CDC20B: variants seen among roughly 807,000 people sequenced by gnomAD.
CDC20B encodes cell division cycle 20B, also known as cell division cycle protein 20 homolog B.
A neutral mutation model predicts 64.1 loss-of-function variants in CDC20B; 58 were observed. The observed-to-expected ratio is 0.90, with a 90% confidence interval of 0.73 to 1.13. CDC20B has a LOEUF of 1.13. Among genes scored for constraint, CDC20B ranks in the 50% most tolerant of loss-of-function variants. The pLI is 0.00. For missense variants in CDC20B, 597 were observed against 633.0 expected, an observed-to-expected ratio of 0.94 and a Z score of 0.61; for synonymous variants, 243 against 230.6, an observed-to-expected ratio of 1.05 and a Z score of -0.49.
At chr5:55,120,909 C>T (rs145321611) in intron 9 of CDC20B, among the ~76,000 whole-genome samples, 398 of 152,262 alleles carry the variant, frequency 2.6e-3, no homozygotes, top group Middle Eastern at 6.8e-3. Flanking sequence ...TGCAAATTGG[C>T]TCTGAAAATG....
intron 5 of CDC20B, 108 bp downstream of exon 5, chr5:55,140,206 G>T: frequency 1.7e-6 from 1 of 573,992 alleles, no homozygotes; most frequent in Non-Finnish European, 2.9e-6. Flanking sequence ...CAATTAGGTT[G>T]ATTTAGTCTA....
Position 55,114,253 on chromosome 5 carries a change from C to G in CDC20B, c.1525G>C (p.Ala509Pro), listed in dbSNP as rs200898156. The change falls in exon 12 of 12, where the codon GCT becomes CCT. Residue 509 changes from alanine to proline, a missense_variant. Ala to Pro is a conservative substitution (Grantham distance 27, BLOSUM62 -1). This residue lies in a region of CDC20B where 353 missense variants were observed against 397.0 expected (regional missense o/e 0.89). Coordinates refer to ENST00000381375, the MANE Select transcript of CDC20B (RefSeq NM_001170402.1). This position sits in a 1 kb window ranked among gnomAD's most constrained non-coding sequence, Gnocchi z 4.1. ...PDQTRVFSAA[A>P]DGTASVWNCY Reference sequence around the variant, plus strand: ...TTCCATACAGAGGCCGTCCCATCAGCTGCAGCAGAAAACACCCGGGTCTGG... The same window carrying G: ...TTCCATACAGAGGCCGTCCCATCAGGTGCAGCAGAAAACACCCGGGTCTGG... 4 of 1,613,810 alleles carry G rather than the reference C, an allele frequency of 2.5e-6. No individual in the cohort carries two copies. The East Asian group carries it at 6.7e-5, about 27-fold the overall frequency.
rs1744057071 is a variant in CDC20B at position 55,161,405 on chromosome 5, A to T, written c.126+11183T>A. ...AAGAGCCAGAATCTCATCCTTTGTA[A>T]CTTCTAGGAGTTATGCTCCCCTGAA... is the stretch of plus-strand genomic sequence containing the variant. On this transcript the variant is annotated intron_variant, in intron 2 of 11. Transcript: ENST00000381375. The T allele has an allele frequency of 4.0e-6, 3 of 750,042 alleles. No homozygotes were observed. In the East Asian group the frequency reaches 7.9e-5, roughly 20 times the overall value. 46.5% of individuals were successfully genotyped at this position (750,042 alleles called of 1,614,324 possible). A position where few individuals can be genotyped will look rare whatever the true frequency, so the allele number is the denominator to read the frequency against.
Position 55,124,960 on chromosome 5 carries a change from C to T in CDC20B, c.1058G>A (p.Arg353His), listed in dbSNP as rs140191094. The T allele has an allele frequency of 3.2e-5, 52 of 1,614,112 alleles. No individual in the cohort carries two copies. Among genetic ancestry groups the T allele is most frequent in the East Asian group, 2.7e-4 (12 of 44,884 alleles). ...CAGAGCACACACAGCTTGCTTGTGG[C>T]GAAGTGTTCCAACATGATGCTGGGC... ...RVAQHHVGTL[R>H]HKQAVCALKW... The change falls in exon 9 of 12, where the codon CGC (arginine) becomes CAC (histidine). Residue 353 changes from arginine to histidine, a missense_variant. By Grantham distance (29) the Arg-to-His change is conservative. Coordinates refer to ENST00000381375, the MANE Select transcript of CDC20B (RefSeq NM_001170402.1).
chr5:55,144,223 G>C (rs1743412746), intron 3 of CDC20B, among the ~76,000 whole-genome samples: 1 of 152,118 alleles, frequency 6.6e-6, no homozygotes, highest in Non-Finnish European at 1.5e-5. Flanking sequence ...TTTAAAGATA[G>C]TTTAAGATGG....
intron 2 of CDC20B, chr5:55,164,158 C>T (rs1458773926): frequency 3.7e-6 from 6 of 1,600,080 alleles, no homozygotes; most frequent in South Asian, 2.2e-5. Flanking sequence ...TTGAAGTCAT[C>T]AGGCCTGACA....
chr5:55,152,461 T>C (rs1389004132), intron 2 of CDC20B, among the ~76,000 whole-genome samples: 1 of 152,224 alleles, frequency 6.6e-6, no homozygotes, highest in Non-Finnish European at 1.5e-5. Context: ...CACAACCCTC[T>C]GAAATAGGTA....
intron 5 of CDC20B, chr5:55,136,608 T>C (rs1287626553): frequency 2.6e-5 from 4 of 152,060 alleles, no homozygotes; most frequent in Non-Finnish European, 5.9e-5. Flanking sequence ...AAGTCTACTT[T>C]AGCATTGAGG....
chr5:55,146,192 C>A (rs1212148055), intron 3 of CDC20B, among the ~76,000 whole-genome samples: 1 of 152,048 alleles, frequency 6.6e-6, no homozygotes, highest in Non-Finnish European at 1.5e-5. Flanking sequence ...GCTGAGTCTC[C>A]GCCAATCACA....
intron 2 of CDC20B, among the ~76,000 whole-genome samples, chr5:55,158,655 C>A (rs964557178): frequency 6.6e-6 from 1 of 152,194 alleles, no homozygotes; most frequent in Non-Finnish European, 1.5e-5. Flanking sequence ...CAGCTCATTC[C>A]CTGCACTTTC....
intron 11 of CDC20B, among the ~76,000 whole-genome samples, chr5:55,116,669 T>A (rs1742633492): frequency 6.6e-6 from 1 of 152,224 alleles, no homozygotes; most frequent in East Asian, 1.9e-4. Flanking sequence ...GCTGTGCTGA[T>A]GCTTTTAAAT....
intron 2 of CDC20B, among the ~76,000 whole-genome samples, chr5:55,152,330 T>C (rs1344729594): frequency 6.6e-6 from 1 of 152,250 alleles, no homozygotes; most frequent in Non-Finnish European, 1.5e-5. Flanking sequence ...AGCCCTGTGC[T>C]TCCACACTCA....
chr5:55,161,327 T>G, intron 2 of CDC20B: 1 of 1,366,688 alleles, frequency 7.3e-7, no homozygotes, highest in Non-Finnish European at 1.0e-6. Context: ...GGACAATACT[T>G]TCCTATTTCA....
intron 2 of CDC20B, among the ~76,000 whole-genome samples, chr5:55,169,986 C>A (rs1024231224): frequency 1.3e-5 from 2 of 151,988 alleles, no homozygotes; most frequent in Non-Finnish European, 2.9e-5. Flanking sequence ...TGGTAGCAGG[C>A]GCCTGTAGTC....
At chr5:55,124,726 G>T in intron 9 of CDC20B, 77 bp downstream of exon 9, 3 of 1,215,526 alleles carry the variant, frequency 2.5e-6, no homozygotes, top group Non-Finnish European at 3.5e-6. Context: ...TTGGCTTAAT[G>T]ATTTTCTTTT....
chr5:55,156,664 A>G (rs1368553234), intron 2 of CDC20B, among the ~76,000 whole-genome samples: 2 of 152,162 alleles, frequency 1.3e-5, no homozygotes, highest in Non-Finnish European at 2.9e-5. Context: ...TCACGAGATC[A>G]GGAGTTCATG....
chr5:55,137,432 A>G (rs886741984), intron 5 of CDC20B: 6 of 415,848 alleles, frequency 1.4e-5, no homozygotes, highest in Non-Finnish European at 2.9e-5. Flanking sequence ...ATTGCTTTAT[A>G]TACACAGCAT....
In CDC20B at chr5:55,114,194, A is replaced by G. The variant is rs1488894496; in HGVS notation, c.*24T>C. ...ATCATCTTCACTCAGAAATAAGGAA[A>G]CTGAAACCTAGAGGGGCTGGGTGCT... On this transcript the variant is annotated 3_prime_UTR_variant, in exon 12 of 12. Transcript: ENST00000381375. The surrounding 1 kb of genome is among the most constrained non-coding windows in gnomAD (Gnocchi z 4.1). The G allele has an allele frequency of 6.2e-7, 1 of 1,607,318 alleles. No individual in the cohort carries two copies.
intron 2 of CDC20B, among the ~76,000 whole-genome samples, chr5:55,163,002 CG>C (rs1187383476): frequency 6.6e-6 from 1 of 151,994 alleles, no homozygotes; most frequent in East Asian, 1.9e-4. Flanking sequence ...ATCTGCAAAA[CG>C]GGGATGATAA....
Sources: allele counts gnomAD v4.1 joint callset (sites outside exome capture counted in the v4.1 genomes callset), GRCh38; gene constraint gnomAD v4.1.1; regional missense constraint gnomAD v4.1.1; non-coding constraint Gnocchi (gnomAD v3.1); transcripts MANE v1.5; gene names NCBI Gene and HGNC (gene_info 2026-07-23, HGNC 2026-07-21).